Variants in ABI3BP observed in about 807,000 individuals in gnomAD.
ABI3BP encodes the protein ABI family member 3 binding protein.
In ABI3BP, 216 loss-of-function variants were observed where a neutral mutation model predicts 268.6. The ratio of observed to expected loss-of-function variants is 0.80; its 90% confidence interval spans 0.72 to 0.90. ABI3BP has a LOEUF of 0.90. ABI3BP is among the 40% of genes least tolerant of loss of function. The pLI, the probability that ABI3BP is intolerant of heterozygous loss-of-function variation, is 0.00. For missense variants in ABI3BP, 2,090 were observed against 2,182.4 expected, an observed-to-expected ratio of 0.96 and a Z score of 0.84; for synonymous variants, 730 against 730.0, an observed-to-expected ratio of 1.00 and a Z score of 0.00.
chr3:100,905,234 G>T (rs2052769956), intron 2 of ABI3BP, among the ~76,000 whole-genome samples: 1 of 152,118 alleles, frequency 6.6e-6, no homozygotes, highest in Admixed American at 6.5e-5. Flanking sequence ...ACACAGGAAG[G>T]GGAACATCAC....
chr3:100,825,855 A>G lies in ABI3BP; in HGVS notation c.2603-11T>C. 1 of 1,527,716 alleles carries G rather than the reference A, an allele frequency of 6.5e-7. No homozygotes were observed. The highest frequency in any genetic ancestry group is 8.8e-7 in the Non-Finnish European group (1 of 1,139,336). The allele number at this position is 1,527,716 out of a possible 1,614,324, so 94.6% of individuals were successfully genotyped here. ...GGTCTGTAACAGGAACTGAAGTAAT[A>G]AGATAAACAAAAGAGATGGTAAAAA... On this transcript the variant is annotated splice_polypyrimidine_tract_variant and intron_variant, in intron 34 of 67. Coordinates refer to ENST00000471714, the MANE Select transcript of ABI3BP (RefSeq NM_001375547.2).
chr3:100,917,524 C>T (rs1307569154), intron 2 of ABI3BP, among the ~76,000 whole-genome samples: 1 of 152,046 alleles, frequency 6.6e-6, no homozygotes, highest in Non-Finnish European at 1.5e-5. Context: ...TTACTGGCAG[C>T]TGTCTTTCCA....
chr3:100,757,599 G>T (rs941787765), intron 63 of ABI3BP, among the ~76,000 whole-genome samples: 8 of 152,156 alleles, frequency 5.3e-5, no homozygotes, highest in African/African-American at 1.4e-4. Context: ...TTTTCCTCAA[G>T]ATTTATTTCT....
At chr3:100,752,739 C>T (rs1357414277) in intron 66 of ABI3BP, 48 bp downstream of exon 66, 5 of 1,590,332 alleles carry the variant, frequency 3.1e-6, no homozygotes, top group Non-Finnish European at 4.3e-6. Flanking sequence ...TGCTGCAAAA[C>T]ATTCCCATAA....
At chr3:100,797,544 A>G (rs2097381129) in intron 51 of ABI3BP, among the ~76,000 whole-genome samples, 1 of 148,794 alleles carries the variant, frequency 6.7e-6, no homozygotes, top group Non-Finnish European at 1.5e-5. Flanking sequence ...TCTGCCTCAG[A>G]AGAAAGATGA....
intron 13 of ABI3BP, 100 bp downstream of exon 13, chr3:100,862,738 T>C (rs2099011901): frequency 3.7e-6 from 3 of 820,674 alleles, no homozygotes; most frequent in Middle Eastern, 2.3e-4. Flanking sequence ...TAACTATCAG[T>C]TCATGAGGTT....
At chr3:100,969,632 C>T (rs57335546) in intron 1 of ABI3BP, among the ~76,000 whole-genome samples, 5 of 152,032 alleles carry the variant, frequency 3.3e-5, no homozygotes, top group Non-Finnish European at 2.9e-5. Context: ...CTTTAAATCT[C>T]GAGGCATAGC....
chr3:100,835,730 A>C lies in ABI3BP; in HGVS notation c.2132-70T>G. 2.4e-6 allele frequency: 3 copies of C among 1,230,184 alleles called. No individual in the cohort carries two copies. In the East Asian group the frequency reaches 7.6e-5, roughly 31 times the overall value. The allele number at this position is 1,230,184 out of a possible 1,614,324, so 76.2% of individuals were successfully genotyped here. A position where few individuals can be genotyped will look rare whatever the true frequency, so the allele number is the denominator to read the frequency against. On this transcript the variant is annotated intron_variant, in intron 27 of 67. Coordinates refer to ENST00000471714, the MANE Select transcript of ABI3BP (RefSeq NM_001375547.2). Reference sequence around the variant, plus strand: ...GAAAAACAAAGTTATTTTGAAAATGAATCTTCTTAACCCTTTAATGTTTTA... The same window carrying C: ...GAAAAACAAAGTTATTTTGAAAATGCATCTTCTTAACCCTTTAATGTTTTA...
At chr3:100,811,370 C>T in intron 47 of ABI3BP, 93 bp from the exon 48 acceptor site, 1 of 952,230 alleles carries the variant, frequency 1.1e-6, no homozygotes, top group Admixed American at 2.5e-5. Context: ...TAATTTGCAT[C>T]ATAATTTTAC....
At position 100,864,855 on chromosome 3, in the gene ABI3BP, T is replaced by G. The variant is rs146526992; in HGVS notation, c.1041A>C (p.Leu347Phe). ...RSTKPTTSSA[L>F]DVSETTLVLS... ...TACCCAGTGTTGTTTCTGAAACATC[T>G]AATGCACTAGACGTAGTGGGTTTAG... The change falls in exon 11 of 68, where the codon TTA (leucine) becomes TTC (phenylalanine). Residue 347 changes from leucine to phenylalanine, a missense_variant. Leu to Phe is a conservative substitution (Grantham distance 22). Transcript: ENST00000471714. 2 of 1,607,380 alleles carry G rather than the reference T, an allele frequency of 1.2e-6. No homozygotes were observed. Among genetic ancestry groups the G allele is most frequent in the Admixed American group, 3.4e-5 (2 of 59,174 alleles).
intron 4 of ABI3BP, 24 bp from the exon 5 acceptor site, chr3:100,886,347 G>A (rs2041965234): frequency 1.3e-6 from 2 of 1,490,336 alleles, no homozygotes; most frequent in Non-Finnish European, 1.8e-6. Flanking sequence ...AGAATATAAT[G>A]CTTTAAAATC....
rs954333766 is a variant in ABI3BP, at chr3:100,926,249, C to G, written c.259+53G>C. ...ATCAAGATTTGTAGGTCATGTTACACCCCCCCACCTCTTACCTCCTTTCCT... is the reference window on the plus strand; with the variant it reads ...ATCAAGATTTGTAGGTCATGTTACAGCCCCCCACCTCTTACCTCCTTTCCT... On this transcript the variant is annotated intron_variant, in intron 2 of 67. Coordinates refer to ENST00000471714, the MANE Select transcript of ABI3BP (RefSeq NM_001375547.2). 2.4e-5 allele frequency: 37 copies of G among 1,558,726 alleles called. No homozygotes were observed. In the Admixed American group the frequency reaches 6.3e-4, roughly 27 times the overall value.
chr3:100,939,646 G>C (rs986116443), intron 1 of ABI3BP, among the ~76,000 whole-genome samples: 1 of 152,072 alleles, frequency 6.6e-6, no homozygotes, highest in African/African-American at 2.4e-5. Flanking sequence ...CAAGGCAAAT[G>C]GAGGCAGGGC....
chr3:100,885,569 T>C lies in ABI3BP; in HGVS notation c.663A>G (p.Lys221=). The change falls in exon 6 of 68, where the codon AAA becomes AAG. Residue 221 remains lysine (K), a synonymous_variant. Transcript: ENST00000471714. ...TVVGSKKVNG[K]IQSTYDQDHT... ...GGTCTTGGTCATAGGTACTTTGGAT[T>C]TTCCCATTTACTTTTTTACCTGATG... is the stretch of plus-strand genomic sequence containing the variant. 6.4e-7 allele frequency: 1 copy of C among 1,560,624 alleles called. No homozygotes were observed. The highest frequency in any genetic ancestry group is 1.7e-4 in the Middle Eastern group (1 of 5,958).
intron 1 of ABI3BP, among the ~76,000 whole-genome samples, chr3:100,947,620 T>A (rs2073086390): frequency 6.6e-6 from 1 of 152,162 alleles, no homozygotes; most frequent in Non-Finnish European, 1.5e-5. Context: ...CCTTAGACAC[T>A]GCAAATATGA....
intron 3 of ABI3BP, among the ~76,000 whole-genome samples, chr3:100,902,304 G>T (rs1338526956): frequency 1.3e-5 from 2 of 152,174 alleles, no homozygotes; most frequent in Non-Finnish European, 2.9e-5. Context: ...CTGACTACAG[G>T]CCAGGCACTG....
At chr3:100,903,579 C>T (rs1388760915) in intron 2 of ABI3BP, among the ~76,000 whole-genome samples, 3 of 152,206 alleles carry the variant, frequency 2.0e-5, no homozygotes. Flanking sequence ...CATTTGGATG[C>T]TGTAGTCAGC....
chr3:100,921,370 C>T (rs576395190), intron 2 of ABI3BP, among the ~76,000 whole-genome samples: 1 of 152,260 alleles, frequency 6.6e-6, no homozygotes, highest in East Asian at 1.9e-4. Flanking sequence ...GTCAACAGAA[C>T]ATCATTAAGT....
At chr3:100,778,964 G>A (rs1481253517) in intron 58 of ABI3BP, among the ~76,000 whole-genome samples, 1 of 152,132 alleles carries the variant, frequency 6.6e-6, no homozygotes, top group Non-Finnish European at 1.5e-5. Flanking sequence ...AACACGCATA[G>A]AATTTAACAT....
Sources: allele counts gnomAD v4.1 joint callset (sites outside exome capture counted in the v4.1 genomes callset), GRCh38; gene constraint gnomAD v4.1.1; transcripts MANE v1.5; gene names NCBI Gene and HGNC (gene_info 2026-07-23, HGNC 2026-07-21).